Variants in HOMER2 observed in about 807,000 individuals in gnomAD.
HOMER2 encodes the protein homer protein homolog 2.
In HOMER2, 27 loss-of-function variants were observed where a neutral mutation model predicts 47.0. That is an observed-to-expected ratio of 0.57 (90% CI 0.42 to 0.79). The LOEUF is 0.79. Ranked by LOEUF, HOMER2 falls within the 30% of genes least tolerant of loss-of-function variation. HOMER2 has a pLI of 0.00. For missense variants in HOMER2, 443 were observed against 435.0 expected, an observed-to-expected ratio of 1.02 and a Z score of -0.16; for synonymous variants, 161 against 163.8, an observed-to-expected ratio of 0.98 and a Z score of 0.13.
intron 3 of HOMER2, among the ~76,000 whole-genome samples, chr15:82,874,826 C>G (rs905131362): frequency 2.0e-5 from 3 of 152,212 alleles, no homozygotes; most frequent in Non-Finnish European, 4.4e-5. Flanking sequence ...TTCTTGGCAG[C>G]AGGAACACAG....
intron 1 of HOMER2, among the ~76,000 whole-genome samples, chr15:82,935,435 C>T (rs1487919650): frequency 6.6e-6 from 1 of 152,124 alleles, no homozygotes; most frequent in Admixed American, 6.5e-5. Flanking sequence ...GGGTGTTACA[C>T]ACTCAATCCT....
intron 1 of HOMER2, among the ~76,000 whole-genome samples, chr15:82,948,499 G>T (rs113681984): frequency 9.3e-4 from 142 of 152,232 alleles, no homozygotes; most frequent in Non-Finnish European, 1.5e-3. Flanking sequence ...GGAGGCAGAG[G>T]TTGCAGTGAG....
At position 82,849,697 on chromosome 15, in the gene HOMER2, C is replaced by T. The variant is rs1331042875; in HGVS notation, c.*18G>A. 1 of 1,607,184 alleles carries T rather than the reference C, an allele frequency of 6.2e-7. No homozygotes were observed. The highest frequency in any genetic ancestry group is 8.5e-7 in the Non-Finnish European group (1 of 1,176,824). On this transcript the variant is annotated 3_prime_UTR_variant, in exon 9 of 9. Coordinates refer to ENST00000450735, the MANE Select transcript of HOMER2 (RefSeq NM_004839.4). ...ACACGCTTGGGACTCACGGGCGGGG[C>T]CTGGGCCTCGGCCAGCCCTAGTTAT...
At chr15:82,922,905 G>C (rs973294141) in intron 1 of HOMER2, among the ~76,000 whole-genome samples, 1 of 152,030 alleles carries the variant, frequency 6.6e-6, no homozygotes, top group Non-Finnish European at 1.5e-5. Flanking sequence ...AATGCCCCCT[G>C]CTCATGTCAC....
chr15:82,867,331 C>A, intron 3 of HOMER2, among the ~76,000 whole-genome samples: 1 of 147,064 alleles, frequency 6.8e-6, no homozygotes, highest in African/African-American at 2.5e-5. Flanking sequence ...TGACAGACTT[C>A]ACTACATAAT....
intron 2 of HOMER2, 122 bp from the exon 3 acceptor site, chr15:82,875,526 T>C: frequency 1.0e-6 from 1 of 980,614 alleles, no homozygotes; most frequent in Non-Finnish European, 1.5e-6. Flanking sequence ...CTGTTAAATT[T>C]GGTCCCGCGT....
chr15:82,917,819 A>G (rs534901142), intron 1 of HOMER2, among the ~76,000 whole-genome samples: 1 of 152,330 alleles, frequency 6.6e-6, no homozygotes, highest in African/African-American at 2.4e-5. Flanking sequence ...TGGCTTTAAA[A>G]TTATATCACA....
exon 2 of HOMER2, chr15:82,839,728 T>C (rs2051157709): frequency 6.6e-6 from 1 of 152,220 alleles, no homozygotes; most frequent in Admixed American, 6.5e-5. Context: ...AACATATCTT[T>C]CTTAGCCTTA....
intron 1 of HOMER2, among the ~76,000 whole-genome samples, chr15:82,911,650 G>T (rs1190736660): frequency 1.3e-5 from 2 of 152,188 alleles, no homozygotes; most frequent in East Asian, 3.8e-4. Flanking sequence ...ATATGTGTGT[G>T]TTCCAATAAA....
At chr15:82,838,624 A>G (rs1271727141) in exon 2 of HOMER2, 1 of 152,324 alleles carries the variant, frequency 6.6e-6, no homozygotes, top group Admixed American at 6.5e-5. Flanking sequence ...GGATGGAGGC[A>G]TGAGGTATCC....
chr15:82,952,501 G>T, intron 1 of HOMER2, 30 bp downstream of exon 1: 1 of 1,186,922 alleles, frequency 8.4e-7, no homozygotes. Context: ...GGAGGGGCGC[G>T]CGGAGAGCGC....
chr15:82,882,825 G>A (rs1481326210), intron 2 of HOMER2, among the ~76,000 whole-genome samples: 1 of 149,612 alleles, frequency 6.7e-6, no homozygotes, highest in Non-Finnish European at 1.5e-5. Flanking sequence ...CACAGAAGCT[G>A]AATCTGATGT....
intron 1 of HOMER2, among the ~76,000 whole-genome samples, chr15:82,960,134 A>C (rs1157792123): frequency 6.6e-6 from 1 of 152,200 alleles, no homozygotes; most frequent in Non-Finnish European, 1.5e-5. Flanking sequence ...TGAGTTAAGA[A>C]AATGATGGAG....
intron 1 of HOMER2, among the ~76,000 whole-genome samples, chr15:82,947,870 A>G (rs1436105593): frequency 6.6e-6 from 1 of 152,240 alleles, no homozygotes; most frequent in Non-Finnish European, 1.5e-5. Context: ...GGTGAAAAAG[A>G]TAAGGTCCTA....
chr15:82,955,315 G>A (rs1246079893), upstream of HOMER2, among the ~76,000 whole-genome samples: 88 of 151,974 alleles, frequency 5.8e-4, no homozygotes, highest in Non-Finnish European at 1.0e-4. Flanking sequence ...GGCTACAAGC[G>A]CATGCCACCA....
chr15:82,897,065 CT>C lies in HOMER2; in HGVS notation c.6-4225del, dbSNP rs68038013. On this transcript the variant is annotated intron_variant, in intron 1 of 8. Coordinates refer to ENST00000450735, the MANE Select transcript of HOMER2 (RefSeq NM_004839.4). ...ACAGGTCTGAAATTTGATGTCATTT[CT>C]TTTTTTTTTTTTTTTTTTTAGATGA... is the stretch of plus-strand genomic sequence containing the variant. Among the ~76,000 whole-genome samples the C allele has an allele frequency of 4.7e-4, 48 of 101,852 alleles. 1 individual carries two copies. Among genetic ancestry groups the C allele is most frequent in the South Asian group, 9.8e-4 (3 of 3,074 alleles). 66.8% of individuals were successfully genotyped at this position (101,852 alleles called of 152,430 possible).
intron 1 of HOMER2, among the ~76,000 whole-genome samples, chr15:82,980,970 C>A (rs1336772047): frequency 6.6e-6 from 1 of 152,068 alleles, no homozygotes; most frequent in African/African-American, 2.4e-5. Context: ...CCGAGATAGT[C>A]TGAAGAGGAT....
intron 4 of HOMER2, among the ~76,000 whole-genome samples, chr15:82,860,780 T>C (rs1028056356): frequency 2.6e-5 from 4 of 151,678 alleles, no homozygotes; most frequent in Non-Finnish European, 2.9e-5. Flanking sequence ...CTACTAAAAT[T>C]ACAAAAATTA....
At chr15:82,965,474 A>G (rs903841041) in intron 1 of HOMER2, among the ~76,000 whole-genome samples, 1 of 152,174 alleles carries the variant, frequency 6.6e-6, no homozygotes, top group Admixed American at 6.5e-5. Context: ...TCTCAGGTAA[A>G]TATCTCCTAC....
Sources: allele counts gnomAD v4.1 joint callset (sites outside exome capture counted in the v4.1 genomes callset), GRCh38; gene constraint gnomAD v4.1.1; transcripts MANE v1.5; gene names NCBI Gene and HGNC (gene_info 2026-07-23, HGNC 2026-07-21).